ASTN2: variants seen among roughly 807,000 people sequenced by gnomAD.
The protein encoded by ASTN2 is astrotactin-2.
Under a neutral mutation model 139.8 loss-of-function variants are expected in ASTN2, and 54 were observed. The observed-to-expected ratio is 0.39, with a 90% confidence interval of 0.31 to 0.48. The LOEUF (loss-of-function observed/expected upper bound fraction) is 0.48, where lower values mean the gene tolerates loss of function less well. Among genes scored for constraint, ASTN2 ranks in the 20% least tolerant of loss-of-function variants. ASTN2 has a pLI of 0.95. For synonymous variants in ASTN2, 756 were observed against 719.5 expected (o/e 1.05, Z -0.81); for missense variants, 1,565 against 1,725.1 (o/e 0.91, Z 1.64).
In ASTN2 at chr9:117,178,769, A is replaced by T. The variant is rs544680028; in HGVS notation, c.1015+35589T>A. On this transcript the variant is annotated intron_variant, in intron 3 of 22. Transcript: ENST00000313400. ...AAGTGCCAAGGGCTGGCAAAACATC[A>T]TCTGCAGGGGAGAAGGCTGGGCCCA... 3.3e-5 allele frequency among the ~76,000 whole-genome samples: 5 copies of T among 152,272 alleles called. No individual in the cohort carries two copies. The East Asian group carries it at 7.8e-4, about 24-fold the overall frequency.
chr9:116,872,695 T>A (rs1833197879), intron 10 of ASTN2, among the ~76,000 whole-genome samples: 1 of 152,074 alleles, frequency 6.6e-6, no homozygotes, highest in African/African-American at 2.4e-5. Context: ...GGAGGTAATG[T>A]TGAGCCTGAG....
intron 6 of ASTN2, among the ~76,000 whole-genome samples, chr9:117,009,647 A>T (rs1837457676): frequency 6.6e-6 from 1 of 152,226 alleles, no homozygotes; most frequent in African/African-American, 2.4e-5. Context: ...TATAATTAAC[A>T]TGACTCAGCT....
At chr9:117,397,982 C>T (rs940732007) in intron 1 of ASTN2, among the ~76,000 whole-genome samples, 1 of 152,162 alleles carries the variant, frequency 6.6e-6, no homozygotes, top group Non-Finnish European at 1.5e-5. Context: ...CTTCTCCTGA[C>T]AGAAGAATCA....
intron 19 of ASTN2, among the ~76,000 whole-genome samples, chr9:116,532,272 G>C (rs1008656278): frequency 6.6e-6 from 1 of 152,176 alleles, no homozygotes; most frequent in Non-Finnish European, 1.5e-5. Flanking sequence ...CCCTTTGTCA[G>C]ATGAGTAGAT....
chr9:116,670,272 T>C (rs1859114053), intron 16 of ASTN2, among the ~76,000 whole-genome samples: 1 of 152,150 alleles, frequency 6.6e-6, no homozygotes, highest in African/African-American at 2.4e-5. Flanking sequence ...TGGTAAGGAA[T>C]CAATAAACGC....
At chr9:116,446,871 G>A (rs1340166325) in intron 20 of ASTN2, among the ~76,000 whole-genome samples, 1 of 152,104 alleles carries the variant, frequency 6.6e-6, no homozygotes, top group East Asian at 1.9e-4. Flanking sequence ...ACACTGTGTG[G>A]GAAAATGCCT....
chr9:117,060,581 A>AAGGT, intron 5 of ASTN2, among the ~76,000 whole-genome samples: 1 of 120,718 alleles, frequency 8.3e-6, no homozygotes, highest in East Asian at 2.7e-4. Flanking sequence ...GGAGGGAAAG[A>AAGGT]AGGCAGGAAG....
intron 19 of ASTN2, among the ~76,000 whole-genome samples, chr9:116,614,123 T>C (rs867964190): frequency 7.9e-5 from 12 of 152,130 alleles, no homozygotes; most frequent in South Asian, 2.1e-4. Context: ...CCATTCACAA[T>C]TGCTTCAAAG....
intron 3 of ASTN2, chr9:117,180,539 A>T: frequency 1.5e-6 from 1 of 655,978 alleles, no homozygotes; most frequent in African/African-American, 1.8e-5. Context: ...ATATTTGTTC[A>T]TATCCATATT....
chr9:116,805,850 C>T (rs746276443), intron 12 of ASTN2, 30 bp from the exon 13 acceptor site: 1 of 1,603,074 alleles, frequency 6.2e-7, no homozygotes, highest in Admixed American at 1.7e-5. Context: ...TCAGAATTAG[C>T]TTCACATCCT....
Position 116,733,487 on chromosome 9 carries a change from G to A in ASTN2, c.2433C>T (p.Ala811=), listed in dbSNP as rs370330098. Residue 811 remains alanine (A), a synonymous_variant, in exon 14 of 23, where the codon GCC becomes GCT. Transcript: ENST00000313400. ...GCAGCGGGATCACCAACAGCCCATC[G>A]GCCAGCTGGGGAAAGTCCTTGATGA... ...NNFIKDFPQL[A]DGLLVIPLPV... 3.0e-5 allele frequency: 49 copies of A among 1,614,054 alleles called. No homozygotes were observed. Among genetic ancestry groups the A allele is most frequent in the African/African-American group, 4.0e-5 (3 of 74,922 alleles).
chr9:116,852,059 G>A (rs557202928), intron 11 of ASTN2, among the ~76,000 whole-genome samples: 2 of 152,244 alleles, frequency 1.3e-5, no homozygotes, highest in South Asian at 2.1e-4. Context: ...ACCTCGGACT[G>A]TATTATCCCC....
At chr9:117,233,950 T>C (rs1832971089) in intron 2 of ASTN2, among the ~76,000 whole-genome samples, 1 of 152,180 alleles carries the variant, frequency 6.6e-6, no homozygotes, top group Admixed American at 6.5e-5. Context: ...GACTCTACTC[T>C]TACAAAATGC....
In ASTN2 at chr9:116,820,723, T is replaced by C. The variant is rs372974284; in HGVS notation, c.2101A>G (p.Ile701Val). 2.0e-5 allele frequency: 33 copies of C among 1,614,072 alleles called. No individual in the cohort carries two copies. The highest frequency in any genetic ancestry group is 2.5e-5 in the Non-Finnish European group (29 of 1,180,048). The change falls in exon 12 of 23, where the codon ATT (isoleucine) becomes GTT (valine). Residue 701 changes from isoleucine (I) to valine (V), a missense_variant. This residue lies in a region of ASTN2 where 503 missense variants were observed against 591.7 expected (regional missense o/e 0.85). Coordinates refer to ENST00000313400, the MANE Select transcript of ASTN2 (RefSeq NM_001365068.1). ...CCATTAAAGCCATCAGAGCAGTCAA[T>C]GCCTTTGGAGTGGTCGTAGCAGCCA... is the stretch of plus-strand genomic sequence containing the variant. ...GSGCYDHSKG[I>V]DCSDGFNGGC...
chr9:116,533,222 C>T (rs1180648993), intron 19 of ASTN2, among the ~76,000 whole-genome samples: 3 of 152,196 alleles, frequency 2.0e-5, no homozygotes, highest in Non-Finnish European at 4.4e-5. Context: ...TATCCTGAGA[C>T]TTTGCTGAAG....
chr9:117,324,680 A>T (rs746246031), intron 1 of ASTN2, among the ~76,000 whole-genome samples: 2 of 152,146 alleles, frequency 1.3e-5, no homozygotes, highest in Non-Finnish European at 2.9e-5. Context: ...ACTAGAAAAA[A>T]AATTATGCAA....
intron 3 of ASTN2, among the ~76,000 whole-genome samples, chr9:117,159,456 C>T (rs1444284591): frequency 6.6e-6 from 1 of 152,038 alleles, no homozygotes; most frequent in Non-Finnish European, 1.5e-5. Flanking sequence ...GCCAGAACAG[C>T]TCAGAAAACC....
chr9:116,703,731 A>AG (rs1006913474), intron 16 of ASTN2, among the ~76,000 whole-genome samples: 1 of 149,902 alleles, frequency 6.7e-6, no homozygotes, highest in Non-Finnish European at 1.5e-5. Flanking sequence ...TATAATAATA[A>AG]AAAAAAAAAA....
At chr9:116,653,358 G>A (rs1858029894) in intron 16 of ASTN2, among the ~76,000 whole-genome samples, 1 of 152,174 alleles carries the variant, frequency 6.6e-6, no homozygotes, top group Non-Finnish European at 1.5e-5. Flanking sequence ...AAACAGAGCA[G>A]TTTCACTTTT....
Sources: allele counts gnomAD v4.1 joint callset (sites outside exome capture counted in the v4.1 genomes callset), GRCh38; gene constraint gnomAD v4.1.1; regional missense constraint gnomAD v4.1.1; transcripts MANE v1.5; gene names NCBI Gene and HGNC (gene_info 2026-07-23, HGNC 2026-07-21).